The following SLC35F1 variants were observed in gnomAD, a reference collection of about 807,000 sequenced individuals.
SLC35F1 encodes solute carrier family 35 member F1, also known as chromosome 6 open reading frame 169.
A neutral mutation model predicts 48.7 loss-of-function variants in SLC35F1; 14 were observed. That is an observed-to-expected ratio of 0.29 (90% CI 0.19 to 0.45). The LOEUF is 0.45. Ranked by LOEUF, SLC35F1 falls within the 20% of genes least tolerant of loss-of-function variation. The probability of loss-of-function intolerance (pLI) is 1.00; values close to 1 mark genes in which losing one functional copy is unlikely to be tolerated. For missense variants in SLC35F1, 404 were observed against 500.0 expected (o/e 0.81, Z 1.83); for synonymous variants, 190 against 202.2 (o/e 0.94, Z 0.51).
chr6:118,172,969 T>A (rs1182364760), intron 2 of SLC35F1, among the ~76,000 whole-genome samples: 1 of 152,050 alleles, frequency 6.6e-6, no homozygotes, highest in Non-Finnish European at 1.5e-5. Context: ...GAGAAAGAAA[T>A]AGTGCACAGT....
At chr6:118,229,216 T>C (rs1775257897) in intron 2 of SLC35F1, among the ~76,000 whole-genome samples, 1 of 152,176 alleles carries the variant, frequency 6.6e-6, no homozygotes, top group Admixed American at 6.6e-5. Context: ...ATATGACGAT[T>C]ATTTTTGTAA....
chr6:117,969,327 A>G (rs1285443349), intron 1 of SLC35F1, among the ~76,000 whole-genome samples: 1 of 152,256 alleles, frequency 6.6e-6, no homozygotes, highest in Non-Finnish European at 1.5e-5. Flanking sequence ...AGGAAGGTAT[A>G]TAGAGATCTT....
intron 7 of SLC35F1, among the ~76,000 whole-genome samples, chr6:118,312,742 C>A (rs1202234720): frequency 6.6e-6 from 1 of 152,114 alleles, no homozygotes; most frequent in Admixed American, 6.5e-5. Flanking sequence ...TCAAGACTCC[C>A]TTTCCTATTA....
rs1056284971 is a variant in SLC35F1 at position 118,058,201 on chromosome 6, T to C, written c.174-96244T>C. 1.1e-4 allele frequency among the ~76,000 whole-genome samples: 17 copies of C among 152,206 alleles called. No homozygotes were observed. The East Asian group carries it at 3.3e-3, about 29-fold the overall frequency. ...AATGCATAGAATATGAGGGGGTGCA[T>C]TTTCAACTTTTTTAAGCGACTATGG... On this transcript the variant is annotated intron_variant, in intron 1 of 7. Coordinates refer to ENST00000360388, the MANE Select transcript of SLC35F1 (RefSeq NM_001029858.4).
intron 1 of SLC35F1, among the ~76,000 whole-genome samples, chr6:118,077,219 G>T (rs188036964): frequency 2.0e-4 from 30 of 152,312 alleles, no homozygotes; most frequent in Non-Finnish European, 3.5e-4. Context: ...GGGAAGGAGA[G>T]AGCCCAGGTT....
intron 1 of SLC35F1, among the ~76,000 whole-genome samples, chr6:118,012,744 G>T (rs1323970607): frequency 6.6e-6 from 1 of 152,164 alleles, no homozygotes; most frequent in African/African-American, 2.4e-5. Flanking sequence ...TTAATAACAT[G>T]TTCAAGCACT....
chr6:118,241,596 TG>T (rs1775441312), intron 3 of SLC35F1, among the ~76,000 whole-genome samples: 1 of 152,018 alleles, frequency 6.6e-6, no homozygotes, highest in African/African-American at 2.4e-5. Flanking sequence ...TGTGTGTGTG[TG>T]TGTGTGTGTG....
intron 1 of SLC35F1, among the ~76,000 whole-genome samples, chr6:117,962,457 C>G (rs1776510588): frequency 6.6e-6 from 1 of 152,128 alleles, no homozygotes; most frequent in African/African-American, 2.4e-5. Flanking sequence ...TTTAAAAATG[C>G]AAGTCCTTGA....
intron 1 of SLC35F1, chr6:117,999,322 C>T (rs1582609436): frequency 1.9e-6 from 3 of 1,595,780 alleles, no homozygotes; most frequent in East Asian, 2.2e-5. Flanking sequence ...CCAAGGGGCT[C>T]AGGCTGTGCC....
intron 1 of SLC35F1, among the ~76,000 whole-genome samples, chr6:117,937,663 G>T (rs1178275559): frequency 6.6e-6 from 1 of 152,094 alleles, no homozygotes; most frequent in African/African-American, 2.4e-5. Context: ...AAAACAAAAC[G>T]TAGAAGAATT....
intron 1 of SLC35F1, among the ~76,000 whole-genome samples, 183 bp from the exon 2 acceptor site, chr6:118,154,262 C>G (rs1345571557): frequency 2.0e-5 from 3 of 152,186 alleles, no homozygotes; most frequent in Admixed American, 2.0e-4. Context: ...TTGGTTTCCT[C>G]CTCTGTAAAA....
At chr6:117,961,908 GAA>G (rs1776503049) in intron 1 of SLC35F1, among the ~76,000 whole-genome samples, 1 of 152,154 alleles carries the variant, frequency 6.6e-6, no homozygotes, top group East Asian at 1.9e-4. Flanking sequence ...TATATGTGGA[GAA>G]AAGTCTTGGC....
rs1264084087 is a variant in SLC35F1, at chr6:117,997,567, G to T, written c.173+89668G>T. On this transcript the variant is annotated intron_variant, in intron 1 of 7. Transcript: ENST00000360388. ...CAAAGGGAAGCCCATCAGACTAACA[G>T]TGGATCTCTCAGCAGAAACTCTACA... 2.0e-5 allele frequency among the ~76,000 whole-genome samples: 3 copies of T among 152,240 alleles called. No homozygotes were observed. In the East Asian group the frequency reaches 5.8e-4, roughly 29 times the overall value.
intron 3 of SLC35F1, among the ~76,000 whole-genome samples, chr6:118,255,413 G>A (rs1430654596): frequency 6.6e-6 from 1 of 152,200 alleles, no homozygotes; most frequent in Non-Finnish European, 1.5e-5. Flanking sequence ...TAAAGGCTTT[G>A]ATGATACCCG....
At chr6:118,050,405 A>G (rs968607024) in intron 1 of SLC35F1, among the ~76,000 whole-genome samples, 1 of 151,994 alleles carries the variant, frequency 6.6e-6, no homozygotes, top group African/African-American at 2.4e-5. Context: ...AAACAAAACC[A>G]AAAAGCAAAA....
chr6:117,983,156 G>C (rs1465243060), intron 1 of SLC35F1, among the ~76,000 whole-genome samples: 1 of 152,176 alleles, frequency 6.6e-6, no homozygotes, highest in Non-Finnish European at 1.5e-5. Context: ...ACTGCACTCT[G>C]TCAATAGACT....
At chr6:118,302,756 G>A (rs966604603) in intron 7 of SLC35F1, among the ~76,000 whole-genome samples, 1 of 152,058 alleles carries the variant, frequency 6.6e-6, no homozygotes, top group African/African-American at 2.4e-5. Flanking sequence ...AACTAGCAAT[G>A]TTATTGAATG....
chr6:117,920,734 T>C (rs572484366), intron 1 of SLC35F1, among the ~76,000 whole-genome samples: 2 of 152,170 alleles, frequency 1.3e-5, no homozygotes, highest in South Asian at 2.1e-4. Context: ...AATGGAAAGA[T>C]TGGGTAATGG....
intron 1 of SLC35F1, among the ~76,000 whole-genome samples, chr6:118,019,006 G>T (rs1017003091): frequency 1.8e-4 from 28 of 152,058 alleles, no homozygotes; most frequent in African/African-American, 6.8e-4. Context: ...AAGTTGAATG[G>T]GTCAGTTCAA....
Sources: gnomAD v4.1 joint callset for allele counts (sites outside exome capture counted in the v4.1 genomes callset) on GRCh38, gnomAD v4.1.1 for gene constraint, MANE v1.5 for transcripts, NCBI Gene and HGNC (gene_info 2026-07-23, HGNC 2026-07-21) for gene names.